Variants in TMEM161B observed in about 807,000 individuals in gnomAD.
TMEM161B encodes transmembrane protein 161B.
In TMEM161B, 34 loss-of-function variants were observed where a neutral mutation model predicts 61.8. That is an observed-to-expected ratio of 0.55 (90% CI 0.42 to 0.73). The LOEUF (loss-of-function observed/expected upper bound fraction) is 0.73. TMEM161B is among the 30% of genes least tolerant of loss of function. The pLI is 0.00. For synonymous variants in TMEM161B, 167 were observed against 192.8 expected, an observed-to-expected ratio of 0.87 and a Z score of 1.11; for missense variants, 456 against 558.5, an observed-to-expected ratio of 0.82 and a Z score of 1.85.
intron 1 of TMEM161B, 150 bp from the exon 2 acceptor site, chr5:88,241,066 G>A (rs915645113): frequency 8.7e-6 from 4 of 460,464 alleles, no homozygotes; most frequent in Admixed American, 3.9e-5. Flanking sequence ...ATATCTGCAG[G>A]CTCCACAACT....
In TMEM161B at chr5:88,268,708, CAGA is replaced by C; in HGVS notation, c.3+10_3+12del. 3.7e-6 allele frequency: 6 copies of C among 1,614,150 alleles called. No individual in the cohort carries two copies. The highest frequency in any genetic ancestry group is 5.1e-6 in the Non-Finnish European group (6 of 1,180,000). Reference sequence around the variant, plus strand: ...CCCACCGTTGTCACTCCTGCCCTCACAGAAGAACTCACCATGGCGCCTAGGATA... The same window carrying C: ...CCCACCGTTGTCACTCCTGCCCTCACAGAACTCACCATGGCGCCTAGGATA... On this transcript the variant is annotated intron_variant, in intron 1 of 11. Coordinates refer to ENST00000296595, the MANE Select transcript of TMEM161B (RefSeq NM_153354.5).
chr5:88,264,393 TG>T (rs1431761277), intron 1 of TMEM161B, among the ~76,000 whole-genome samples: 4 of 152,154 alleles, frequency 2.6e-5, no homozygotes, highest in Non-Finnish European at 5.9e-5. Flanking sequence ...TACCATCTCA[TG>T]CCAGTTAGAA....
At chr5:88,191,827 G>A (rs1748905775), downstream of TMEM161B, among the ~76,000 whole-genome samples, 4 of 150,284 alleles carry the variant, frequency 2.7e-5, 1 homozygote, top group South Asian at 8.5e-4. Flanking sequence ...CATGGTGGCG[G>A]GCGCCTGTAG....
chr5:88,186,796 A>T (rs185791324), downstream of TMEM161B, among the ~76,000 whole-genome samples: 1 of 151,620 alleles, frequency 6.6e-6, no homozygotes, highest in Non-Finnish European at 1.5e-5. Flanking sequence ...GCCTGTACTC[A>T]GGAGGCTAAG....
rs1204053585 is a variant in TMEM161B at position 88,225,324 on chromosome 5, TA to T, written c.289+444del. Reference sequence around the variant, plus strand: ...AGTCTTCTGGTTAGCAGTAGGCTATTAGTAGTTAGGTTATGGGGGGTAAAAA... The same window carrying T: ...AGTCTTCTGGTTAGCAGTAGGCTATTGTAGTTAGGTTATGGGGGGTAAAAA... On this transcript the variant is annotated intron_variant, in intron 4 of 11. Coordinates refer to ENST00000296595, the MANE Select transcript of TMEM161B (RefSeq NM_153354.5). Among the ~76,000 whole-genome samples, 8 of 152,214 alleles carry T rather than the reference TA, an allele frequency of 5.3e-5. No individual in the cohort carries two copies. The East Asian group carries it at 1.4e-3, about 26-fold the overall frequency.
chr5:88,227,674 G>A (rs1315323105), intron 3 of TMEM161B, among the ~76,000 whole-genome samples: 1 of 152,070 alleles, frequency 6.6e-6, no homozygotes, highest in Non-Finnish European at 1.5e-5. Context: ...TATTAGGCTA[G>A]GTTAGCATTT....
chr5:88,209,853 A>G (rs1482043762), intron 5 of TMEM161B, among the ~76,000 whole-genome samples: 1 of 42,038 alleles, frequency 2.4e-5, no homozygotes. Context: ...ATCATAATCT[A>G]TCATCTGAAC....
chr5:88,242,961 A>C (rs1241006226), intron 1 of TMEM161B, among the ~76,000 whole-genome samples: 1 of 151,830 alleles, frequency 6.6e-6, no homozygotes, highest in African/African-American at 2.4e-5. Context: ...TACTTATTGG[A>C]TATTATAGAG....
rs778971213 is a variant in TMEM161B at position 88,196,225 on chromosome 5, G to C, written c.1450C>G (p.Leu484Val). 1.2e-6 allele frequency: 2 copies of C among 1,611,546 alleles called. No homozygotes were observed. Among genetic ancestry groups the C allele is most frequent in the Non-Finnish European group, 1.7e-6 (2 of 1,178,858 alleles). The change falls in exon 12 of 12, where the codon CTG becomes GTG. Residue 484 changes from leucine to valine, a missense_variant. Leu to Val is a conservative substitution (Grantham distance 32). This residue lies in a region of TMEM161B where 367 missense variants were observed against 427.3 expected (regional missense o/e 0.86). Transcript: ENST00000296595. ...SLFGLFYHQYLTVA is the reference protein window; with the variant it reads ...SLFGLFYHQYVTVA The stretch of plus-strand genomic sequence containing the variant: ...TTAACTGAGATTCATGCCACAGTCA[G>C]ATACTGGTGATAGAAAAGCCCAAAA...
downstream of TMEM161B, among the ~76,000 whole-genome samples, chr5:88,192,546 A>G (rs1342337462): frequency 6.6e-6 from 1 of 152,240 alleles, no homozygotes; most frequent in Non-Finnish European, 1.5e-5. Flanking sequence ...TTCATGGCAC[A>G]TAACGAGCTC....
chr5:88,207,904 G>A (rs1745849425), intron 5 of TMEM161B, among the ~76,000 whole-genome samples: 1 of 152,160 alleles, frequency 6.6e-6, no homozygotes. Context: ...TTTACGTAAA[G>A]TTTATGTCAA....
downstream of TMEM161B, among the ~76,000 whole-genome samples, chr5:88,191,577 C>A (rs1382201481): frequency 6.6e-6 from 1 of 152,102 alleles, no homozygotes; most frequent in Non-Finnish European, 1.5e-5. Flanking sequence ...AAATGAATGC[C>A]CTCCAACATG....
chr5:88,256,826 C>A (rs1755047413), intron 1 of TMEM161B, among the ~76,000 whole-genome samples: 1 of 152,218 alleles, frequency 6.6e-6, no homozygotes, highest in Non-Finnish European at 1.5e-5. Flanking sequence ...CAGGTTCCTA[C>A]TGTGTGTCAC....
At chr5:88,191,154 TC>T (rs1191821035), downstream of TMEM161B, among the ~76,000 whole-genome samples, 7 of 152,248 alleles carry the variant, frequency 4.6e-5, no homozygotes, top group African/African-American at 9.6e-5. Flanking sequence ...CCTTAGTTTT[TC>T]TTTTTAAAGT....
rs1484826319 is a variant in TMEM161B, at chr5:88,195,627, A to G, written c.*584T>C. On this transcript the variant is annotated 3_prime_UTR_variant, in exon 12 of 12. Transcript: ENST00000296595. Reference sequence around the variant, plus strand: ...TTGCTATTCTCAAGCAGCAGTAGTTATATATTTTAACCATATTCATCTCCA... The same window carrying G: ...TTGCTATTCTCAAGCAGCAGTAGTTGTATATTTTAACCATATTCATCTCCA... 1.0e-6 allele frequency: 1 copy of G among 984,688 alleles called. No individual in the cohort carries two copies. The highest frequency in any genetic ancestry group is 1.7e-5 in the African/African-American group (1 of 57,216). The allele number at this position is 984,688 out of a possible 1,614,324, so 61.0% of individuals were successfully genotyped here.
chr5:88,228,668 T>C (rs1001719446), intron 2 of TMEM161B, 140 bp from the exon 3 acceptor site: 66 of 648,648 alleles, frequency 1.0e-4, no homozygotes, highest in Non-Finnish European at 1.4e-4. Context: ...CTGAAACAAA[T>C]ACTAACTCTT....
intron 5 of TMEM161B, among the ~76,000 whole-genome samples, chr5:88,207,914 A>G (rs1406385875): frequency 1.3e-5 from 2 of 152,240 alleles, no homozygotes; most frequent in Non-Finnish European, 2.9e-5. Flanking sequence ...GTTTATGTCA[A>G]GCATGGAAAA....
At chr5:88,210,669 T>C (rs533839515) in intron 5 of TMEM161B, among the ~76,000 whole-genome samples, 1 of 152,266 alleles carries the variant, frequency 6.6e-6, no homozygotes, top group Admixed American at 6.5e-5. Flanking sequence ...TGTAGCAGTT[T>C]TGTACACTCC....
chr5:88,252,198 G>C (rs1754428940), intron 1 of TMEM161B, among the ~76,000 whole-genome samples: 1 of 152,088 alleles, frequency 6.6e-6, no homozygotes, highest in African/African-American at 2.4e-5. Flanking sequence ...CAGGCTAAAT[G>C]ACAAGTGTGA....
Sources: gnomAD v4.1 joint callset for allele counts (sites outside exome capture counted in the v4.1 genomes callset) on GRCh38, gnomAD v4.1.1 for gene constraint, gnomAD v4.1.1 regional missense constraint, MANE v1.5 for transcripts, NCBI Gene and HGNC (gene_info 2026-07-23, HGNC 2026-07-21) for gene names.